POC1B: variants seen among roughly 807,000 people sequenced by gnomAD.
The protein encoded by POC1B is POC1 centriolar protein homolog B.
A neutral mutation model predicts 60.6 loss-of-function variants in POC1B; 44 were observed. The ratio of observed to expected loss-of-function variants is 0.73; its 90% confidence interval spans 0.57 to 0.93. The LOEUF (loss-of-function observed/expected upper bound fraction) is 0.93, where lower values mean the gene tolerates loss of function less well. POC1B is among the 40% of genes least tolerant of loss of function. The pLI, the probability that POC1B is intolerant of heterozygous loss-of-function variation, is 0.00. For missense variants in POC1B, 555 were observed against 572.3 expected (o/e 0.97, Z 0.31); for synonymous variants, 180 against 198.9 (o/e 0.90, Z 0.80).
intron 10 of POC1B, among the ~76,000 whole-genome samples, chr12:89,453,619 A>T (rs1023020744): frequency 6.6e-6 from 1 of 152,228 alleles, no homozygotes; most frequent in African/African-American, 2.4e-5. Context: ...ACTGCTGCAA[A>T]GTTTAAAAAC....
At chr12:89,474,135 G>A (rs1883015770) in intron 4 of POC1B, among the ~76,000 whole-genome samples, 1 of 151,932 alleles carries the variant, frequency 6.6e-6, no homozygotes, top group South Asian at 2.1e-4. Flanking sequence ...GAACCCGGGA[G>A]GCAGAGGTTG....
At chr12:89,466,417 C>A (rs1249060808) in intron 9 of POC1B, among the ~76,000 whole-genome samples, 1 of 152,060 alleles carries the variant, frequency 6.6e-6, no homozygotes, top group Non-Finnish European at 1.5e-5. Flanking sequence ...ATTTCAATAA[C>A]CATTATAAAA....
intron 2 of POC1B, among the ~76,000 whole-genome samples, chr12:89,499,614 A>G (rs61482297): frequency 6.9e-6 from 1 of 145,146 alleles, no homozygotes; most frequent in Non-Finnish European, 1.6e-5. Context: ...GACAATAAGG[A>G]AAGGATTTTT....
chr12:89,519,767 G>A (rs1870691304), intron 2 of POC1B: 1 of 150,060 alleles, frequency 6.7e-6, no homozygotes, highest in Non-Finnish European at 1.5e-5. Flanking sequence ...TTACAAACAA[G>A]TTATTTTGAG....
chr12:89,523,479 A>C, intron 2 of POC1B: 1 of 1,613,186 alleles, frequency 6.2e-7, no homozygotes, highest in Non-Finnish European at 8.5e-7. Context: ...CCACGTGGGA[A>C]CACGGGTGGA....
At chr12:89,417,326 C>T (rs1255085773), downstream of POC1B, among the ~76,000 whole-genome samples, 2 of 152,292 alleles carry the variant, frequency 1.3e-5, no homozygotes, top group Non-Finnish European at 2.9e-5. Flanking sequence ...TCAGAACCCA[C>T]CAACTAATCT....
At chr12:89,452,807 C>T (rs117220130) in intron 10 of POC1B, among the ~76,000 whole-genome samples, 3,784 of 151,940 alleles carry the variant, frequency 0.025, 74 homozygotes, top group Non-Finnish European at 0.036. Context: ...AAATAAACCA[C>T]GTTCCTTTAA....
chr12:89,441,925 T>A (rs1367187560), intron 10 of POC1B, among the ~76,000 whole-genome samples: 2 of 152,148 alleles, frequency 1.3e-5, no homozygotes, highest in African/African-American at 4.8e-5. Context: ...TATGACCTGA[T>A]AGAGCTGAAA....
At chr12:89,449,856 G>C (rs1056288067) in intron 10 of POC1B, among the ~76,000 whole-genome samples, 2 of 152,072 alleles carry the variant, frequency 1.3e-5, no homozygotes, top group African/African-American at 4.8e-5. Flanking sequence ...AGACAGAAGA[G>C]AAAGTCTCCA....
intron 3 of POC1B, among the ~76,000 whole-genome samples, chr12:89,495,146 T>C (rs991626667): frequency 6.6e-6 from 1 of 152,222 alleles, no homozygotes; most frequent in Non-Finnish European, 1.5e-5. Flanking sequence ...GCCTAATCAT[T>C]GTATTTAGAT....
In POC1B at chr12:89,457,961, A is replaced by C. The variant is rs57926799; in HGVS notation, c.1113+1677T>G. Among the ~76,000 whole-genome samples, 1,009 of 152,308 alleles carry C rather than the reference A, an allele frequency of 6.6e-3. 11 individuals are homozygous for C. The highest frequency in any genetic ancestry group is 0.023 in the African/African-American group (975 of 41,570). ...ATAGATATGTACAATCTATACTACA[A>C]GGGACATCCTGCTGTCCCTTGCTAA... On this transcript the variant is annotated intron_variant, in intron 10 of 11. Coordinates refer to ENST00000313546, the MANE Select transcript of POC1B (RefSeq NM_172240.3).
rs1024689905 is a variant in POC1B, at chr12:89,525,504, C to A, written c.16-300G>T. Reference sequence around the variant, plus strand: ...GAAATGCACGTTCCCGGGCCCCGCCCGCTGGCCCAAGGCAGGCAGGTGCGA... The same window carrying A: ...GAAATGCACGTTCCCGGGCCCCGCCAGCTGGCCCAAGGCAGGCAGGTGCGA... On this transcript the variant is annotated intron_variant, in intron 1 of 11. Transcript: ENST00000313546. 3.8e-6 allele frequency: 5 copies of A among 1,316,482 alleles called. No individual in the cohort carries two copies. In the Admixed American group the frequency reaches 1.5e-4, roughly 39 times the overall value. The allele number at this position is 1,316,482 out of a possible 1,614,324, so 81.6% of individuals were successfully genotyped here. A position where few individuals can be genotyped will look rare whatever the true frequency, so the allele number is the denominator to read the frequency against.
the POC1B span, among the ~76,000 whole-genome samples, chr12:89,410,695 A>T: frequency 6.8e-6 from 1 of 147,842 alleles, no homozygotes; most frequent in Admixed American, 6.7e-5. Context: ...AAAAAAAAGG[A>T]AAAAGAAAAC....
chr12:89,466,373 T>A (rs1191119328), intron 9 of POC1B, among the ~76,000 whole-genome samples: 2 of 151,456 alleles, frequency 1.3e-5, no homozygotes, highest in Admixed American at 6.6e-5. Context: ...GTCCATAAGA[T>A]TTTTTTTTGC....
chr12:89,454,645 C>A (rs1882181007), intron 10 of POC1B, among the ~76,000 whole-genome samples: 1 of 152,172 alleles, frequency 6.6e-6, no homozygotes, highest in Non-Finnish European at 1.5e-5. Context: ...CAAATGCCAC[C>A]CCTGTCACGT....
Position 89,421,197 on chromosome 12 carries a change from C to T in POC1B, c.1393G>A (p.Glu465Lys). 1.2e-6 allele frequency: 2 copies of T among 1,602,976 alleles called. No individual in the cohort carries two copies. Among genetic ancestry groups the T allele is most frequent in the Non-Finnish European group, 1.7e-6 (2 of 1,171,428 alleles). Reference sequence around the variant, plus strand: ...GCACTGAAAAGCTTTTGCTGATTTTCAAGGCAGTCTTTCAGCTTATCCTCT... The same window carrying T: ...GCACTGAAAAGCTTTTGCTGATTTTTAAGGCAGTCTTTCAGCTTATCCTCT... ...LTEDKLKDCL[E>K]NQQKLFSAVQ... Residue 465 changes from glutamate to lysine, a missense_variant, in exon 12 of 12, where the codon GAA becomes AAA. Coordinates refer to ENST00000313546, the MANE Select transcript of POC1B (RefSeq NM_172240.3).
intron 10 of POC1B, among the ~76,000 whole-genome samples, chr12:89,456,868 A>G (rs1340737044): frequency 6.6e-6 from 1 of 152,222 alleles, no homozygotes; most frequent in African/African-American, 2.4e-5. Context: ...TGAATATAAT[A>G]TTAAATCAAG....
chr12:89,406,656 G>C, the POC1B span, among the ~76,000 whole-genome samples: 1 of 151,908 alleles, frequency 6.6e-6, no homozygotes, highest in African/African-American at 2.4e-5. Context: ...AAGAGCATGA[G>C]AGCTGTGCCT....
At chr12:89,504,011 C>T (rs1280032762) in intron 2 of POC1B, among the ~76,000 whole-genome samples, 2 of 135,820 alleles carry the variant, frequency 1.5e-5, no homozygotes, top group Non-Finnish European at 1.6e-5. Flanking sequence ...GCCCGGCCGC[C>T]GCCCCATCCA....
Sources: allele counts gnomAD v4.1 joint callset (sites outside exome capture counted in the v4.1 genomes callset), GRCh38; gene constraint gnomAD v4.1.1; transcripts MANE v1.5; gene names NCBI Gene and HGNC (gene_info 2026-07-23, HGNC 2026-07-21).